The following ANO1 variants were observed in gnomAD, a reference collection of about 807,000 sequenced individuals.
ANO1 encodes anoctamin-1.
In ANO1, 59 loss-of-function variants were observed where a neutral mutation model predicts 124.0. The ratio of observed to expected loss-of-function variants is 0.48; its 90% CI spans 0.39 to 0.59. The LOEUF (loss-of-function observed/expected upper bound fraction) is 0.59, where lower values mean the gene tolerates loss of function less well. ANO1 is among the 20% of genes least tolerant of loss of function. The pLI is 0.00. For synonymous variants in ANO1, 529 were observed against 532.0 expected (o/e 0.99, Z 0.08); for missense variants, 1,059 against 1,328.0 (o/e 0.80, Z 3.15).
At chr11:70,013,408 A>G (rs1555001386) in intron 1 of ANO1, among the ~76,000 whole-genome samples, 1 of 152,150 alleles carries the variant, frequency 6.6e-6, no homozygotes, top group Non-Finnish European at 1.5e-5. Flanking sequence ...GGAGGTTTTG[A>G]TTGAATCTAT....
intron 1 of ANO1, among the ~76,000 whole-genome samples, chr11:70,038,501 A>G (rs1165020406): frequency 1.3e-5 from 2 of 152,196 alleles, no homozygotes; most frequent in Admixed American, 6.5e-5. Flanking sequence ...CAGAAAGTAA[A>G]CTAGCCTTGC....
intron 22 of ANO1, among the ~76,000 whole-genome samples, chr11:70,171,891 C>T (rs2048485916): frequency 6.6e-6 from 1 of 152,016 alleles, no homozygotes. Context: ...TGAGTGAGCC[C>T]ACATAGGTTG....
At position 70,154,502 on chromosome 11, in the gene ANO1, TG is replaced by T. The variant is rs56845469; in HGVS notation, c.1425+1375del. 3.4e-3 allele frequency among the ~76,000 whole-genome samples: 509 copies of T among 149,024 alleles called. 3 individuals carry two copies. Among genetic ancestry groups the T allele is most frequent in the African/African-American group, 0.012 (497 of 40,248 alleles). ...TTTTTTTTGAGAGGGAGTCTCGCTT[TG>T]TAGCCCAGGCTGGAGTGCAGTGGCG... On this transcript the variant is annotated intron_variant, in intron 14 of 25. Transcript: ENST00000355303.
intron 1 of ANO1, chr11:70,072,994 C>G (rs10897899): frequency 0.72 from 108,867 of 152,216 alleles, 38,999 homozygotes; most frequent in African/African-American, 0.73. Context: ...ATAAGGGTCA[C>G]CCTTGTCTCC....
upstream of ANO1, among the ~76,000 whole-genome samples, chr11:70,078,128 A>G (rs895295024): frequency 7.2e-5 from 11 of 152,150 alleles, no homozygotes; most frequent in Admixed American, 3.3e-4. Flanking sequence ...CACACCCGGT[A>G]TGAAAACCCT....
chr11:70,063,456 T>G (rs1294637779), intron 1 of ANO1, among the ~76,000 whole-genome samples: 3 of 152,288 alleles, frequency 2.0e-5, no homozygotes, highest in East Asian at 3.9e-4. Context: ...AAGATTAAAT[T>G]AATGTGACTC....
In ANO1 at chr11:70,102,160, C is replaced by T. The variant is rs189039881; in HGVS notation, c.442-906C>T. Among the ~76,000 whole-genome samples, 796 of 152,292 alleles carry T rather than the reference C, an allele frequency of 5.2e-3. 11 individuals are homozygous for T. Among genetic ancestry groups the T allele is most frequent in the African/African-American group, 0.018 (761 of 41,554 alleles). Reference sequence around the variant, plus strand: ...TGGGGCCATCTTTGCATCTGATCCCCGATTAAGAGTGGGGAGTCAGGGCAG... The same window carrying T: ...TGGGGCCATCTTTGCATCTGATCCCTGATTAAGAGTGGGGAGTCAGGGCAG... On this transcript the variant is annotated intron_variant, in intron 2 of 25. Coordinates refer to ENST00000355303, the MANE Select transcript of ANO1 (RefSeq NM_018043.7).
intron 12 of ANO1, 47 bp downstream of exon 12, chr11:70,149,839 C>T: frequency 1.3e-6 from 2 of 1,593,614 alleles, no homozygotes; most frequent in African/African-American, 1.3e-5. Context: ...CCCCACGTTC[C>T]CCCTACCCCA....
At chr11:70,095,360 A>G (rs1017335472) in intron 2 of ANO1, among the ~76,000 whole-genome samples, 1 of 22,448 alleles carries the variant, frequency 4.5e-5, no homozygotes, top group African/African-American at 1.3e-4. Flanking sequence ...GAAAGAAAGA[A>G]AGAAAGAAAG....
chr11:70,019,539 C>A (rs1555002401), intron 1 of ANO1, among the ~76,000 whole-genome samples: 2 of 144,290 alleles, frequency 1.4e-5, no homozygotes, highest in Non-Finnish European at 3.0e-5. Flanking sequence ...ACGGGCTCAC[C>A]AGGACTCAGC....
chr11:70,121,414 T>C (rs1229426621), intron 8 of ANO1, among the ~76,000 whole-genome samples: 4 of 100,854 alleles, frequency 4.0e-5, no homozygotes, highest in South Asian at 3.8e-4. Context: ...TCTCCCTGTC[T>C]CCCCCACCTC....
At chr11:70,052,641 C>A (rs1213106282) in intron 1 of ANO1, among the ~76,000 whole-genome samples, 1 of 146,048 alleles carries the variant, frequency 6.8e-6, no homozygotes, top group Admixed American at 7.0e-5. Flanking sequence ...CAACCTCTGC[C>A]TCCCAGGTTC....
intron 8 of ANO1, among the ~76,000 whole-genome samples, chr11:70,120,737 C>T (rs2046227446): frequency 6.6e-6 from 1 of 152,168 alleles, no homozygotes; most frequent in Admixed American, 6.5e-5. Flanking sequence ...ATCCATGTCA[C>T]CAAGGGCCGG....
chr11:70,098,724 T>C (rs2045123030), intron 2 of ANO1, among the ~76,000 whole-genome samples: 1 of 151,902 alleles, frequency 6.6e-6, no homozygotes, highest in Non-Finnish European at 1.5e-5. Flanking sequence ...CTGCAGGGAG[T>C]CCCATCCGTG....
At chr11:70,142,288 G>A (rs2047182923) in intron 11 of ANO1, among the ~76,000 whole-genome samples, 1 of 152,232 alleles carries the variant, frequency 6.6e-6, no homozygotes, top group Admixed American at 6.5e-5. Context: ...AGATGGAACT[G>A]GAACCCCTCC....
intron 11 of ANO1, among the ~76,000 whole-genome samples, chr11:70,145,245 C>T (rs968613801): frequency 1.3e-5 from 2 of 152,162 alleles, no homozygotes; most frequent in African/African-American, 4.8e-5. Context: ...ACATTCCTTT[C>T]CTGCTGGTGA....
At chr11:70,020,388 A>T (rs1555002518) in intron 1 of ANO1, among the ~76,000 whole-genome samples, 2 of 152,034 alleles carry the variant, frequency 1.3e-5, no homozygotes, top group African/African-American at 4.8e-5. Context: ...TGCACAGGAC[A>T]CTTATGCCAC....
At chr11:70,079,119 G>A (rs953544198) in intron 1 of ANO1, among the ~76,000 whole-genome samples, 1 of 152,152 alleles carries the variant, frequency 6.6e-6, no homozygotes, top group African/African-American at 2.4e-5. Context: ...GGGCAGCCAG[G>A]GTGAGGGTGA....
intron 1 of ANO1, among the ~76,000 whole-genome samples, chr11:70,080,176 T>A (rs991011733): frequency 9.2e-5 from 14 of 152,352 alleles, no homozygotes; most frequent in Admixed American, 8.5e-4. Flanking sequence ...GGGCCAGTGC[T>A]GTGTCTTAGC....
Sources: allele counts gnomAD v4.1 joint callset (sites outside exome capture counted in the v4.1 genomes callset), GRCh38; gene constraint gnomAD v4.1.1; transcripts MANE v1.5; gene names NCBI Gene and HGNC (gene_info 2026-07-23, HGNC 2026-07-21).